Variants in OTUD7A observed in about 807,000 individuals in gnomAD.
OTUD7A encodes OTU domain-containing protein 7A.
Under a neutral mutation model 65.7 loss-of-function variants are expected in OTUD7A, and 12 were observed. The observed-to-expected ratio is 0.18, with a 90% CI of 0.12 to 0.30. The LOEUF is 0.30. OTUD7A is among the 10% of genes least tolerant of loss of function. OTUD7A has a pLI of 1.00. For missense variants in OTUD7A, 1,148 were observed against 1,304.8 expected (o/e 0.88, Z 1.85); for synonymous variants, 641 against 586.3 (o/e 1.09, Z -1.35).
intron 3 of OTUD7A, among the ~76,000 whole-genome samples, chr15:31,600,496 C>G (rs1890041660): frequency 6.6e-6 from 1 of 152,208 alleles, no homozygotes; most frequent in Admixed American, 6.5e-5. Context: ...GTACCAGCCA[C>G]TGCAAAAACA....
At chr15:31,823,429 C>T (rs534873733) in intron 1 of OTUD7A, among the ~76,000 whole-genome samples, 1 of 152,286 alleles carries the variant, frequency 6.6e-6, no homozygotes, top group African/African-American at 2.4e-5. Flanking sequence ...AAAATGCAGA[C>T]TCCCACACCA....
chr15:31,742,948 T>C (rs1334290433), intron 1 of OTUD7A, among the ~76,000 whole-genome samples: 1 of 152,016 alleles, frequency 6.6e-6, no homozygotes, highest in African/African-American at 2.4e-5. Context: ...GACTTCAAAA[T>C]ATATAAAGCA....
chr15:31,570,294 CATAAA>C, intron 3 of OTUD7A, 97 bp from the exon 4 acceptor site: 1 of 1,352,524 alleles, frequency 7.4e-7, no homozygotes, highest in Non-Finnish European at 1.0e-6. Context: ...CCCATTAGGA[CATAAA>C]CTAATGAATT....
At position 31,772,248 on chromosome 15, in the gene OTUD7A, T is replaced by C. The variant is rs374028816; in HGVS notation, c.-100+98259A>G. Among the ~76,000 whole-genome samples the C allele has an allele frequency of 2.1e-4, 27 of 128,244 alleles. No homozygotes were observed. The East Asian group carries it at 5.5e-3, about 26-fold the overall frequency. 84.1% of individuals were successfully genotyped at this position (128,244 alleles called of 152,430 possible). ...GCCTGGGCGACAGAGCGAGACTCCG[T>C]CTCAAAAAAAAAAAAAAAAAAAATA... On this transcript the variant is annotated intron_variant, in intron 1 of 12. Coordinates refer to ENST00000307050, the MANE Select transcript of OTUD7A (RefSeq NM_001382637.1).
chr15:31,807,807 C>A (rs534323809), intron 1 of OTUD7A, among the ~76,000 whole-genome samples: 1 of 151,858 alleles, frequency 6.6e-6, no homozygotes, highest in South Asian at 2.1e-4. Context: ...ACTCCCCCAA[C>A]CCCCCAAAAA....
In OTUD7A at chr15:31,560,106, G is replaced by C. The variant is rs572027734; in HGVS notation, c.332-919C>G. ...AATTCCACTGAGTTGTCCTCTCCCA[G>C]GACTAAATGGTACAAGGGAGACCGC... On this transcript the variant is annotated intron_variant, in intron 4 of 12. Coordinates refer to ENST00000307050, the MANE Select transcript of OTUD7A (RefSeq NM_001382637.1). Among the ~76,000 whole-genome samples the C allele has an allele frequency of 7.2e-5, 11 of 152,288 alleles. No homozygotes were observed. The East Asian group carries it at 2.1e-3, about 29-fold the overall frequency.
chr15:31,845,288 T>C (rs965225655), intron 1 of OTUD7A, among the ~76,000 whole-genome samples: 2 of 152,134 alleles, frequency 1.3e-5, no homozygotes, highest in Non-Finnish European at 2.9e-5. Context: ...GTCCTGTACC[T>C]CTCCATCTCA....
chr15:31,804,620 G>A (rs765703413), intron 1 of OTUD7A, among the ~76,000 whole-genome samples: 5 of 152,086 alleles, frequency 3.3e-5, no homozygotes, highest in Non-Finnish European at 5.9e-5. Context: ...TTCAGAAACC[G>A]ACACCTCTCT....
At chr15:31,799,753 A>G (rs1256386863) in intron 1 of OTUD7A, among the ~76,000 whole-genome samples, 3 of 152,112 alleles carry the variant, frequency 2.0e-5, no homozygotes, top group Non-Finnish European at 2.9e-5. Context: ...TGAGCTTACT[A>G]AGACAGGCTG....
At chr15:31,555,872 G>A (rs1236135621) in intron 5 of OTUD7A, 1 of 38,736 alleles carries the variant, frequency 2.6e-5, no homozygotes, top group African/African-American at 3.3e-4. Context: ...TTTGAGACAG[G>A]GTTTTGTTAC....
At chr15:31,514,056 TC>T (rs1369073751) in intron 8 of OTUD7A, among the ~76,000 whole-genome samples, 3,490 of 29,740 alleles carry the variant, frequency 0.12, 117 homozygotes, top group African/African-American at 0.29. Flanking sequence ...TTTCTTTCTT[TC>T]TTTTTTTTTT....
At chr15:31,656,520 C>T (rs1304489024) in intron 2 of OTUD7A, among the ~76,000 whole-genome samples, 1 of 152,170 alleles carries the variant, frequency 6.6e-6, no homozygotes, top group Admixed American at 6.5e-5. Flanking sequence ...CTTCCTGGAA[C>T]TTTATGGAAA....
At chr15:31,868,770 G>A (rs1897946730) in intron 1 of OTUD7A, among the ~76,000 whole-genome samples, 1 of 152,136 alleles carries the variant, frequency 6.6e-6, no homozygotes, top group Non-Finnish European at 1.5e-5. Flanking sequence ...AGTGAGACCC[G>A]CACGTGGCAA....
chr15:31,631,908 C>T (rs547335562), intron 3 of OTUD7A, among the ~76,000 whole-genome samples: 6 of 152,338 alleles, frequency 3.9e-5, no homozygotes, highest in Admixed American at 3.3e-4. Context: ...GCATTCTTCA[C>T]GTAATTCTTG....
chr15:31,674,893 G>C (rs1892562378), intron 1 of OTUD7A, among the ~76,000 whole-genome samples: 1 of 152,202 alleles, frequency 6.6e-6, no homozygotes, highest in Admixed American at 6.5e-5. Context: ...AAGTTGGGTG[G>C]AGTAGGAAGC....
At chr15:31,732,819 C>G (rs1014029216) in intron 1 of OTUD7A, among the ~76,000 whole-genome samples, 5 of 152,224 alleles carry the variant, frequency 3.3e-5, no homozygotes, top group African/African-American at 9.6e-5. Context: ...CTTCTTCACA[C>G]AGAATACTTG....
At chr15:31,604,889 G>C (rs12901904) in intron 3 of OTUD7A, among the ~76,000 whole-genome samples, 47,816 of 151,994 alleles carry the variant, frequency 0.31, 9,552 homozygotes, top group African/African-American at 0.57. Flanking sequence ...TATTGGACTG[G>C]AAAGGAGGTC....
rs762570640 is a variant in OTUD7A at position 31,484,054 on chromosome 15, C to T, written c.2042G>A (p.Arg681His). 1.2e-5 allele frequency: 17 copies of T among 1,376,154 alleles called. No individual in the cohort carries two copies. Among genetic ancestry groups the T allele is most frequent in the Non-Finnish European group, 1.6e-5 (17 of 1,066,136 alleles). 85.2% of individuals were successfully genotyped at this position (1,376,154 alleles called of 1,614,324 possible). A position where few individuals can be genotyped will look rare whatever the true frequency, so the allele number is the denominator to read the frequency against. Residue 681 changes from arginine (R) to histidine (H), a missense_variant, in exon 13 of 13, where the codon CGC becomes CAC. Coordinates refer to ENST00000307050, the MANE Select transcript of OTUD7A (RefSeq NM_001382637.1). The surrounding 1 kb of genome is among the most constrained non-coding windows in gnomAD (Gnocchi z 4.5). ...RFSAEQEQRR[R>H]DAATAAAAAA... ...AGCGGCGGCCGCAGTAGCGGCGTCGCGGCGCCGCTGCTCCTGCTCGGCGCT... is the reference window on the plus strand; with the variant it reads ...AGCGGCGGCCGCAGTAGCGGCGTCGTGGCGCCGCTGCTCCTGCTCGGCGCT...
chr15:31,631,561 T>C (rs1290325609), intron 3 of OTUD7A, among the ~76,000 whole-genome samples: 2 of 152,180 alleles, frequency 1.3e-5, no homozygotes, highest in Middle Eastern at 3.2e-3. Flanking sequence ...CTGATAATTA[T>C]GTGTCTTGGA....
Sources: gnomAD v4.1 joint callset for allele counts (sites outside exome capture counted in the v4.1 genomes callset) on GRCh38, gnomAD v4.1.1 for gene constraint, Gnocchi (gnomAD v3.1) non-coding constraint, MANE v1.5 for transcripts, NCBI Gene and HGNC (gene_info 2026-07-23, HGNC 2026-07-21) for gene names.